Variants in NELL1 observed in about 807,000 individuals in gnomAD.
NELL1 encodes the protein neural EGFL like 1.
A neutral mutation model predicts 107.4 loss-of-function variants in NELL1; 76 were observed. The ratio of observed to expected loss-of-function variants is 0.71; its 90% CI spans 0.59 to 0.86. The LOEUF (loss-of-function observed/expected upper bound fraction) is 0.86. Among genes scored for constraint, NELL1 ranks in the 40% least tolerant of loss-of-function variants. The pLI is 0.00. For missense variants in NELL1, 1,024 were observed against 1,005.5 expected (o/e 1.02, Z -0.25); for synonymous variants, 353 against 341.2 (o/e 1.03, Z -0.38).
chr11:21,086,210 T>C (rs1464913605), intron 12 of NELL1, among the ~76,000 whole-genome samples: 1 of 152,188 alleles, frequency 6.6e-6, no homozygotes, highest in Admixed American at 6.5e-5. Flanking sequence ...GGAGTGAATA[T>C]TCCTAAGGAA....
intron 5 of NELL1, among the ~76,000 whole-genome samples, chr11:20,909,751 C>G (rs1054068242): frequency 3.3e-5 from 5 of 152,084 alleles, no homozygotes; most frequent in Non-Finnish European, 7.3e-5. Flanking sequence ...TTTACAGTTC[C>G]TTGAACATAA....
At chr11:20,749,307 A>G (rs993981616) in intron 2 of NELL1, among the ~76,000 whole-genome samples, 1 of 152,190 alleles carries the variant, frequency 6.6e-6, no homozygotes, top group African/African-American at 2.4e-5. Flanking sequence ...TCTTTTAAAA[A>G]TTAAGGTATA....
At chr11:20,680,115 G>A (rs139463865) in intron 2 of NELL1, among the ~76,000 whole-genome samples, 429 of 151,944 alleles carry the variant, frequency 2.8e-3, no homozygotes, top group Middle Eastern at 6.8e-3. Context: ...GATTATATTC[G>A]GCTCACCTAG....
intron 13 of NELL1, among the ~76,000 whole-genome samples, chr11:21,157,353 T>A (rs1283383543): frequency 6.6e-6 from 1 of 152,162 alleles, no homozygotes. Context: ...GTATTAGATA[T>A]ATTTATTTGT....
Position 20,965,801 on chromosome 11 carries a change from G to A in NELL1, c.1300+5241G>A, listed in dbSNP as rs1851376714. Reference sequence around the variant, plus strand: ...CTGGGAAAGTGGTAGAGAGATCAGAGTTCAAACAGAACGCAGCCCACAGAA... The same window carrying A: ...CTGGGAAAGTGGTAGAGAGATCAGAATTCAAACAGAACGCAGCCCACAGAA... On this transcript the variant is annotated intron_variant, in intron 12 of 19. Coordinates refer to ENST00000357134, the MANE Select transcript of NELL1 (RefSeq NM_006157.5). Among the ~76,000 whole-genome samples, 6 of 152,118 alleles carry A rather than the reference G, an allele frequency of 3.9e-5. No homozygotes were observed. The South Asian group carries it at 1.2e-3, about 32-fold the overall frequency.
intron 13 of NELL1, among the ~76,000 whole-genome samples, chr11:21,129,328 A>G (rs143215657): frequency 4.6e-4 from 70 of 152,304 alleles, no homozygotes; most frequent in African/African-American, 1.3e-3. Flanking sequence ...CACCATGGAA[A>G]ATAGTTTGGT....
intron 12 of NELL1, among the ~76,000 whole-genome samples, chr11:21,037,532 G>A (rs1246672965): frequency 6.6e-6 from 1 of 152,022 alleles, no homozygotes; most frequent in African/African-American, 2.4e-5. Context: ...CATGTTCCCC[G>A]ATGTATGCCT....
intron 2 of NELL1, among the ~76,000 whole-genome samples, chr11:20,717,097 A>G (rs12807095): frequency 0.11 from 16,240 of 152,244 alleles, 1,047 homozygotes; most frequent in Non-Finnish European, 0.15. Flanking sequence ...ATCTTCATGC[A>G]TACCTCCTTG....
At chr11:21,057,777 AT>A (rs1374137608) in intron 12 of NELL1, among the ~76,000 whole-genome samples, 2 of 152,046 alleles carry the variant, frequency 1.3e-5, no homozygotes, top group Non-Finnish European at 1.5e-5. Context: ...ACTATAGATT[AT>A]GGATAGTTTT....
chr11:21,341,238 G>A (rs1193134920), intron 14 of NELL1, among the ~76,000 whole-genome samples: 1 of 152,124 alleles, frequency 6.6e-6, no homozygotes, highest in African/African-American at 2.4e-5. Context: ...AATGTTGCAG[G>A]TTTGACATCT....
intron 17 of NELL1, among the ~76,000 whole-genome samples, chr11:21,567,086 T>G (rs1196575953): frequency 6.6e-6 from 1 of 151,794 alleles, no homozygotes; most frequent in Non-Finnish European, 1.5e-5. Context: ...CTGAAAGAAT[T>G]TATCCTTTTG....
chr11:20,901,189 A>G (rs1849864777), intron 5 of NELL1, among the ~76,000 whole-genome samples: 1 of 152,146 alleles, frequency 6.6e-6, no homozygotes, highest in Non-Finnish European at 1.5e-5. Context: ...TTGCCTATAT[A>G]TAAAAAATGA....
intron 16 of NELL1, among the ~76,000 whole-genome samples, chr11:21,546,627 G>A (rs1283000459): frequency 6.6e-6 from 1 of 151,930 alleles, no homozygotes; most frequent in Non-Finnish European, 1.5e-5. Context: ...CCATGTAAGA[G>A]GTGCCTTTGC....
chr11:20,820,722 A>G (rs972283350), intron 3 of NELL1, among the ~76,000 whole-genome samples: 1 of 152,128 alleles, frequency 6.6e-6, no homozygotes, highest in African/African-American at 2.4e-5. Flanking sequence ...CTTGTCAAAG[A>G]ATAGAATACC....
At chr11:21,115,643 C>A (rs1197659037) in intron 13 of NELL1, among the ~76,000 whole-genome samples, 4 of 151,784 alleles carry the variant, frequency 2.6e-5, no homozygotes, top group African/African-American at 9.7e-5. Context: ...ATAAAGTCTT[C>A]CCACCCTGAA....
At chr11:20,847,449 G>C (rs1318649324) in intron 3 of NELL1, 134 bp from the exon 4 acceptor site, 3 of 842,760 alleles carry the variant, frequency 3.6e-6, no homozygotes, top group Non-Finnish European at 5.4e-6. Context: ...GAATTGACTT[G>C]AGGTCTTGGC....
intron 5 of NELL1, among the ~76,000 whole-genome samples, chr11:20,903,719 G>A (rs1285792869): frequency 2.0e-5 from 3 of 152,074 alleles, no homozygotes; most frequent in Non-Finnish European, 2.9e-5. Context: ...TAAAACACAA[G>A]TAGCTGGATG....
rs1853842966 is a variant in NELL1, at chr11:20,669,635, G to A, written c.-89G>A. 4.3e-6 allele frequency: 5 copies of A among 1,173,782 alleles called. No individual in the cohort carries two copies. The African/African-American group carries it at 6.2e-5, about 15-fold the overall frequency. The allele number at this position is 1,173,782 out of a possible 1,614,324, so 72.7% of individuals were successfully genotyped here. ...CCCGCCGCCCGCTAGCAAGTTTGGC[G>A]GCTCCAAGCCAGGCGCGCCTCAGGA... On this transcript the variant is annotated 5_prime_UTR_variant, in exon 1 of 20. Coordinates refer to ENST00000357134, the MANE Select transcript of NELL1 (RefSeq NM_006157.5). This position sits in a 1 kb window ranked among gnomAD's most constrained non-coding sequence, Gnocchi z 4.4.
At chr11:21,215,497 G>A (rs879560639) in intron 13 of NELL1, among the ~76,000 whole-genome samples, 2 of 152,302 alleles carry the variant, frequency 1.3e-5, no homozygotes, top group East Asian at 1.9e-4. Context: ...GATTGGAACA[G>A]TTTAGAGGGC....
Sources: gnomAD v4.1 joint callset for allele counts (sites outside exome capture counted in the v4.1 genomes callset) on GRCh38, gnomAD v4.1.1 for gene constraint, Gnocchi (gnomAD v3.1) non-coding constraint, MANE v1.5 for transcripts, NCBI Gene and HGNC (gene_info 2026-07-23, HGNC 2026-07-21) for gene names.